CCDC63: variants seen among roughly 807,000 people sequenced by gnomAD.
The protein encoded by CCDC63 is coiled-coil domain-containing protein 63.
A neutral mutation model predicts 63.6 loss-of-function variants in CCDC63; 54 were observed. The ratio of observed to expected loss-of-function variants is 0.85; its 90% CI spans 0.68 to 1.07. The LOEUF is 1.07. CCDC63 is among the 50% of genes least tolerant of loss of function. The probability of loss-of-function intolerance (pLI) is 0.00; values close to 1 mark genes in which losing one functional copy is unlikely to be tolerated. For synonymous variants in CCDC63, 253 were observed against 266.1 expected (o/e 0.95, Z 0.48); for missense variants, 637 against 689.6 (o/e 0.92, Z 0.86).
intron 4 of CCDC63, among the ~76,000 whole-genome samples, chr12:110,866,307 C>CTTT (rs778074972): frequency 4.6e-4 from 43 of 94,490 alleles, no homozygotes; most frequent in Admixed American, 2.5e-3. Flanking sequence ...GCTTAAGCCA[C>CTTT]TCTTTTTTTT....
chr12:110,854,251 TTTTC>T (rs1425844400), intron 3 of CCDC63, among the ~76,000 whole-genome samples: 1 of 107,996 alleles, frequency 9.3e-6, no homozygotes, highest in African/African-American at 3.2e-5. Context: ...CAATCATTTC[TTTTC>T]TTTTTTTTTT....
At chr12:110,856,584 AAAT>A (rs2070773938) in intron 3 of CCDC63, among the ~76,000 whole-genome samples, 1 of 152,072 alleles carries the variant, frequency 6.6e-6, no homozygotes, top group Non-Finnish European at 1.5e-5. Flanking sequence ...AAATAAAATA[AAAT>A]AATATTTAGT....
At chr12:110,881,422 TAA>T in intron 7 of CCDC63, 126 bp downstream of exon 7, 1 of 969,738 alleles carries the variant, frequency 1.0e-6, no homozygotes, top group Non-Finnish European at 1.5e-6. Flanking sequence ...AATAAAGATA[TAA>T]GATGCCTAGT....
chr12:110,893,054 G>A, intron 8 of CCDC63, 22 bp from the exon 9 acceptor site: 1 of 1,609,846 alleles, frequency 6.2e-7, no homozygotes. Context: ...TTTTCCTCAT[G>A]GTCTTGTTCT....
intron 4 of CCDC63, among the ~76,000 whole-genome samples, chr12:110,868,512 TC>T (rs969502493): frequency 2.7e-5 from 4 of 149,782 alleles, no homozygotes; most frequent in Admixed American, 2.7e-4. Context: ...GGCGGATCAC[TC>T]GCGGTTAGGG....
upstream of CCDC63, among the ~76,000 whole-genome samples, chr12:110,844,695 T>C (rs1049803181): frequency 6.6e-6 from 1 of 152,072 alleles, no homozygotes; most frequent in African/African-American, 2.4e-5. Context: ...CTAACACTAA[T>C]GGAGATCTAC....
At chr12:110,849,182 A>C (rs1255852584) in intron 1 of CCDC63, among the ~76,000 whole-genome samples, 1 of 152,218 alleles carries the variant, frequency 6.6e-6, no homozygotes, top group Non-Finnish European at 1.5e-5. Flanking sequence ...ACCATTTTCA[A>C]GGTATGGACC....
chr12:110,876,512 G>A (rs965709918), intron 5 of CCDC63, among the ~76,000 whole-genome samples: 17 of 152,140 alleles, frequency 1.1e-4, no homozygotes, highest in Admixed American at 7.9e-4. Context: ...ACACAGGGCT[G>A]GCACCTGAGA....
intron 10 of CCDC63, among the ~76,000 whole-genome samples, chr12:110,900,587 T>C (rs145228096): frequency 1.2e-3 from 176 of 151,636 alleles, no homozygotes; most frequent in Non-Finnish European, 1.9e-3. Context: ...CTCCTTGAAT[T>C]AAACCTCAGA....
chr12:110,902,947 A>G (rs2071508884), intron 10 of CCDC63, among the ~76,000 whole-genome samples: 2 of 151,180 alleles, frequency 1.3e-5, no homozygotes, highest in Non-Finnish European at 2.9e-5. Context: ...CAGTGATACA[A>G]TCTTGGCTCA....
chr12:110,864,690 AGAGT>A (rs2070915721), intron 4 of CCDC63, among the ~76,000 whole-genome samples: 1 of 151,404 alleles, frequency 6.6e-6, no homozygotes, highest in Non-Finnish European at 1.5e-5. Context: ...CCTGGGCAAC[AGAGT>A]GAGACTCCAT....
At chr12:110,887,461 T>C (rs10774609) in intron 8 of CCDC63, among the ~76,000 whole-genome samples, 54,236 of 151,358 alleles carry the variant, frequency 0.36, 10,050 homozygotes, top group African/African-American at 0.43. Context: ...TTATACAAAA[T>C]GTTTTTGTTT....
At chr12:110,863,263 C>CGTGTGT (rs34959062) in intron 4 of CCDC63, among the ~76,000 whole-genome samples, 90 of 149,214 alleles carry the variant, frequency 6.0e-4, no homozygotes, top group African/African-American at 2.0e-3. Flanking sequence ...GTGACACACA[C>CGTGTGT]GTGTGTGTGT....
At chr12:110,854,918 C>CT in intron 3 of CCDC63, among the ~76,000 whole-genome samples, 1 of 152,144 alleles carries the variant, frequency 6.6e-6, no homozygotes, top group South Asian at 2.1e-4. Context: ...CCGACCTCAG[C>CT]CTTCTGAGTA....
intron 11 of CCDC63, among the ~76,000 whole-genome samples, chr12:110,906,805 G>A (rs2071593373): frequency 6.6e-6 from 1 of 152,112 alleles, no homozygotes; most frequent in South Asian, 2.1e-4. Context: ...GGGGGGAGAG[G>A]TGGGCCAAGC....
intron 10 of CCDC63, among the ~76,000 whole-genome samples, chr12:110,900,917 C>T (rs940462716): frequency 6.6e-6 from 1 of 152,096 alleles, no homozygotes; most frequent in Non-Finnish European, 1.5e-5. Context: ...ATTCTTAGTA[C>T]ACTCTGTGTT....
At chr12:110,850,073 A>G (rs1443979726) in intron 1 of CCDC63, among the ~76,000 whole-genome samples, 1 of 152,228 alleles carries the variant, frequency 6.6e-6, no homozygotes, top group East Asian at 1.9e-4. Flanking sequence ...CTGGCTTAAC[A>G]CAACAGAAGT....
chr12:110,864,237 G>A (rs1353953698), intron 4 of CCDC63, among the ~76,000 whole-genome samples: 1 of 152,202 alleles, frequency 6.6e-6, no homozygotes. Flanking sequence ...TTAAATGATT[G>A]TATGAGTACC....
At chr12:110,904,222 G>C (rs986549435) in intron 10 of CCDC63, among the ~76,000 whole-genome samples, 3 of 151,676 alleles carry the variant, frequency 2.0e-5, no homozygotes, top group African/African-American at 7.3e-5. Flanking sequence ...TATGTCTTTG[G>C]TTGCAGCTAC....
Sources: allele counts gnomAD v4.1 joint callset (sites outside exome capture counted in the v4.1 genomes callset), GRCh38; gene constraint gnomAD v4.1.1; transcripts MANE v1.5; gene names NCBI Gene and HGNC (gene_info 2026-07-23, HGNC 2026-07-21).